Variants in RAB3GAP1 observed in about 807,000 individuals in gnomAD.
RAB3GAP1 encodes the protein rab3 GTPase-activating protein catalytic subunit.
In RAB3GAP1, 86 loss-of-function variants were observed where a neutral mutation model predicts 130.7. That is an observed-to-expected ratio of 0.66 (90% confidence interval 0.55 to 0.79). RAB3GAP1 has a LOEUF of 0.79. RAB3GAP1 is among the 30% of genes least tolerant of loss of function. RAB3GAP1 has a pLI of 0.00. For synonymous variants in RAB3GAP1, 367 were observed against 401.7 expected, an observed-to-expected ratio of 0.91 and a Z score of 1.03; for missense variants, 1,029 against 1,169.4, an observed-to-expected ratio of 0.88 and a Z score of 1.75.
At chr2:135,132,192 A>G (rs1001644647) in intron 13 of RAB3GAP1, among the ~76,000 whole-genome samples, 1 of 152,248 alleles carries the variant, frequency 6.6e-6, no homozygotes, top group African/African-American at 2.4e-5. Context: ...CAGTACCACA[A>G]AACAATTGAG....
intron 2 of RAB3GAP1, among the ~76,000 whole-genome samples, chr2:135,057,169 C>G (rs1689037580): frequency 6.6e-6 from 1 of 152,106 alleles, no homozygotes; most frequent in African/African-American, 2.4e-5. Flanking sequence ...AGATTGGTGA[C>G]TAGTTTTAAG....
At chr2:135,113,049 CT>C in intron 5 of RAB3GAP1, 101 bp from the exon 6 acceptor site, 1 of 1,515,870 alleles carries the variant, frequency 6.6e-7, no homozygotes. Context: ...TTAAACCTGA[CT>C]TGTTAAATTT....
intron 8 of RAB3GAP1, among the ~76,000 whole-genome samples, chr2:135,122,885 G>A (rs1201595149): frequency 2.6e-5 from 4 of 151,894 alleles, no homozygotes; most frequent in African/African-American, 9.7e-5. Context: ...GCACCACCAC[G>A]CCTGGCTAAT....
chr2:135,132,901 T>C lies in RAB3GAP1; in HGVS notation c.1243T>C (p.Phe415Leu). The C allele has an allele frequency of 6.4e-7, 1 of 1,552,450 alleles. No individual in the cohort carries two copies. The highest frequency in any genetic ancestry group is 8.9e-7 in the Non-Finnish European group (1 of 1,124,318). The part of the protein sequence containing the change: ...DVLNTILLFL[F>L]PDAVSEKPLD... ...TTTTTTCCTTTCCTTCAAGTTCTTA[T>C]TCCCTGATGCTGTTTCTGAGAAACC... Residue 415 changes from phenylalanine to leucine, a missense_variant, in exon 14 of 24, where the codon TTC becomes CTC. Physicochemically the swap from Phe to Leu is conservative, Grantham distance 22. Transcript: ENST00000264158.
intron 22 of RAB3GAP1, among the ~76,000 whole-genome samples, 182 bp from the exon 23 acceptor site, chr2:135,164,412 A>C (rs1373307229): frequency 6.6e-6 from 1 of 152,236 alleles, no homozygotes; most frequent in Non-Finnish European, 1.5e-5. Flanking sequence ...GAAGATTGTC[A>C]GTTAAGTCGA....
At chr2:135,083,765 CG>C (rs1217952923) in intron 3 of RAB3GAP1, among the ~76,000 whole-genome samples, 1 of 103,806 alleles carries the variant, frequency 9.6e-6, no homozygotes, top group Non-Finnish European at 2.0e-5. Context: ...GTACCCAACA[CG>C]GTTTTTTTTT....
intron 5 of RAB3GAP1, among the ~76,000 whole-genome samples, chr2:135,109,231 T>A (rs1402071005): frequency 6.6e-6 from 1 of 152,100 alleles, no homozygotes; most frequent in Non-Finnish European, 1.5e-5. Flanking sequence ...GAGATTTTGA[T>A]TGAGATTGCA....
rs368975213 is a variant in RAB3GAP1, at chr2:135,141,144, T to A, written c.1923+5212T>A. Among the ~76,000 whole-genome samples the A allele has an allele frequency of 2.0e-4, 31 of 152,228 alleles. No homozygotes were observed. The South Asian group carries it at 5.4e-3, about 26-fold the overall frequency. The stretch of plus-strand genomic sequence containing the variant: ...GTTGTCTTTTTTTTTCTTATTACTT[T>A]ATAGGAATTCTTCATATATTCTGGA... On this transcript the variant is annotated intron_variant, in intron 17 of 23. Coordinates refer to ENST00000264158, the MANE Select transcript of RAB3GAP1 (RefSeq NM_012233.3).
intron 10 of RAB3GAP1, 38 bp from the exon 11 acceptor site, chr2:135,126,545 C>A (rs1691354005): frequency 6.6e-7 from 1 of 1,525,294 alleles, no homozygotes; most frequent in South Asian, 1.1e-5. Context: ...TGCAGATTGT[C>A]ATAATTAGGA....
chr2:135,135,370 T>G, intron 16 of RAB3GAP1, 51 bp downstream of exon 16: 1 of 1,524,934 alleles, frequency 6.6e-7, no homozygotes, highest in Non-Finnish European at 9.1e-7. Context: ...TTAATCAGAT[T>G]ATTCTAATAC....
intron 5 of RAB3GAP1, among the ~76,000 whole-genome samples, chr2:135,094,010 C>T (rs1690222136): frequency 6.6e-6 from 1 of 152,162 alleles, no homozygotes; most frequent in South Asian, 2.1e-4. Context: ...GCTCAGCGCC[C>T]CAGGTTTTTA....
At chr2:135,117,657 T>TCTG (rs1691049692) in intron 7 of RAB3GAP1, among the ~76,000 whole-genome samples, 4 of 133,742 alleles carry the variant, frequency 3.0e-5, no homozygotes, top group African/African-American at 1.2e-4. Context: ...TGCTTCTGCT[T>TCTG]CTTCTGCTTC....
chr2:135,162,707 CTTAA>C, intron 20 of RAB3GAP1, 37 bp from the exon 21 acceptor site: 1 of 1,606,932 alleles, frequency 6.2e-7, no homozygotes, highest in East Asian at 2.2e-5. Flanking sequence ...GTATATTTTG[CTTAA>C]TTTATTTAAT....
At position 135,169,677 on chromosome 2, in the gene RAB3GAP1, T is replaced by C. The variant is rs1177486504; in HGVS notation, c.*896T>C. 1.1e-5 allele frequency: 5 copies of C among 454,364 alleles called. No homozygotes were observed. The highest frequency in any genetic ancestry group is 1.0e-4 in the African/African-American group (5 of 50,012). The allele number at this position is 454,364 out of a possible 1,614,324, so 28.1% of individuals were successfully genotyped here. ...TGCAGATAGTATAATTTGGTATATGTGCTAATGCATTGAGTAGAGGATTAT... is the reference window on the plus strand; with the variant it reads ...TGCAGATAGTATAATTTGGTATATGCGCTAATGCATTGAGTAGAGGATTAT... On this transcript the variant is annotated 3_prime_UTR_variant, in exon 24 of 24. Coordinates refer to ENST00000264158, the MANE Select transcript of RAB3GAP1 (RefSeq NM_012233.3).
At chr2:135,150,649 A>G in intron 18 of RAB3GAP1, 143 bp downstream of exon 18, 2 of 1,068,982 alleles carry the variant, frequency 1.9e-6, no homozygotes, top group Non-Finnish European at 2.8e-6. Flanking sequence ...ACACTCTGCC[A>G]CCATCCCCCC....
At chr2:135,068,796 CTGTT>C (rs1238806235) in intron 3 of RAB3GAP1, among the ~76,000 whole-genome samples, 30 of 152,160 alleles carry the variant, frequency 2.0e-4, no homozygotes, top group Admixed American at 2.0e-3. Flanking sequence ...ATTTTAGACA[CTGTT>C]TGATGTAATG....
intron 3 of RAB3GAP1, among the ~76,000 whole-genome samples, chr2:135,080,600 G>A (rs181029909): frequency 2.0e-5 from 3 of 152,314 alleles, no homozygotes; most frequent in African/African-American, 7.2e-5. Context: ...ATGCCTACGT[G>A]AATCAGTACC....
chr2:135,093,553 T>C (rs1690205710), intron 4 of RAB3GAP1, 62 bp from the exon 5 acceptor site: 1 of 1,235,940 alleles, frequency 8.1e-7, no homozygotes. Flanking sequence ...CCTCAAAGCA[T>C]GTTATAAAAC....
intron 5 of RAB3GAP1, among the ~76,000 whole-genome samples, chr2:135,109,097 G>A (rs1690715580): frequency 6.6e-6 from 1 of 152,002 alleles, no homozygotes. Flanking sequence ...AGTGCTTGAA[G>A]TTTGATAGTG....
Sources: gnomAD v4.1 joint callset for allele counts (sites outside exome capture counted in the v4.1 genomes callset) on GRCh38, gnomAD v4.1.1 for gene constraint, MANE v1.5 for transcripts, NCBI Gene and HGNC (gene_info 2026-07-23, HGNC 2026-07-21) for gene names.